METTL8: variants seen among roughly 807,000 people sequenced by gnomAD.
METTL8 encodes tRNA N(3)-cytidine methyltransferase METTL8, mitochondrial.
Under a neutral mutation model 48.7 loss-of-function variants are expected in METTL8, and 32 were observed. The observed-to-expected ratio is 0.66, with a 90% CI of 0.50 to 0.88. The LOEUF is 0.88. Ranked by LOEUF, METTL8 falls within the 40% of genes least tolerant of loss-of-function variation. The pLI, the probability that METTL8 is intolerant of heterozygous loss-of-function variation, is 0.00. For synonymous variants in METTL8, 136 were observed against 157.1 expected (o/e 0.87, Z 1.01); for missense variants, 464 against 474.4 (o/e 0.98, Z 0.20).
chr2:171,427,495 C>T (rs1174804407), intron 1 of METTL8, among the ~76,000 whole-genome samples: 3 of 152,222 alleles, frequency 2.0e-5, no homozygotes, highest in African/African-American at 7.2e-5. Flanking sequence ...GTTTACCTCT[C>T]TCCTGCACAC....
chr2:171,375,348 G>A (rs1483802169), intron 2 of METTL8: 1 of 664,036 alleles, frequency 1.5e-6, no homozygotes, highest in African/African-American at 1.8e-5. Flanking sequence ...TTAGCATAGT[G>A]GTGAGTAAAA....
Position 171,325,859 on chromosome 2 carries a change from C to T in METTL8, c.1015G>A (p.Ala339Thr), listed in dbSNP as rs753087231. The change falls in exon 9 of 10, where the codon GCA becomes ACA. Residue 339 changes from alanine (A) to threonine (T), a missense_variant. Coordinates refer to ENST00000375258, the MANE Select transcript of METTL8 (RefSeq NM_001321154.2). ...AGCATACCTTTTGTAAAGAAATATG[C>T]TCTGGTACCATCTCCTCGAACATAA... ...NFYVRGDGTRAYFFTKGEVHS... is the reference protein window; with the variant it reads ...NFYVRGDGTRTYFFTKGEVHS... 21 of 1,592,858 alleles carry T rather than the reference C, an allele frequency of 1.3e-5. No homozygotes were observed. The South Asian group carries it at 2.2e-4, about 16-fold the overall frequency.
At chr2:171,399,242 C>T (rs569973256) in intron 1 of METTL8, among the ~76,000 whole-genome samples, 22 of 152,096 alleles carry the variant, frequency 1.4e-4, no homozygotes, top group Admixed American at 3.3e-4. Flanking sequence ...AAGGAACAGA[C>T]GAGAAAGGAA....
chr2:171,355,072 G>A (rs1052805314), intron 3 of METTL8, among the ~76,000 whole-genome samples: 1 of 152,178 alleles, frequency 6.6e-6, no homozygotes, highest in Non-Finnish European at 1.5e-5. Context: ...CAGCTTTTCT[G>A]CTCTGGTTTC....
Position 171,330,680 on chromosome 2 carries a change from C to T in METTL8, c.739G>A (p.Ala247Thr), listed in dbSNP as rs1314850620. The change falls in exon 7 of 10, where the codon GCA becomes ACA. Residue 247 changes from alanine to threonine, a missense_variant. Physicochemically the swap from Ala to Thr is moderately conservative, Grantham distance 58. Coordinates refer to ENST00000375258, the MANE Select transcript of METTL8 (RefSeq NM_001321154.2). Reference protein sequence around the residue: ...ELVKSHSSYRATQCFAFVHDV... With the variant: ...ELVKSHSSYRTTQCFAFVHDV... ...TGAACAAAGGCAAAACACTGGGTTG[C>T]TCTGTAGGACGAGTGTGACTGTCAT... The T allele has an allele frequency of 4.3e-6, 7 of 1,612,480 alleles. No individual in the cohort carries two copies. Among genetic ancestry groups the T allele is most frequent in the African/African-American group, 1.3e-5 (1 of 74,768 alleles).
intron 1 of METTL8, among the ~76,000 whole-genome samples, chr2:171,395,866 T>G (rs1250351270): frequency 2.0e-5 from 3 of 152,214 alleles, no homozygotes; most frequent in African/African-American, 7.2e-5. Context: ...ATGACATTTA[T>G]AGAAAGAACA....
chr2:171,391,868 A>G (rs1269001559), intron 2 of METTL8, among the ~76,000 whole-genome samples, 175 bp downstream of exon 2: 12 of 152,220 alleles, frequency 7.9e-5, no homozygotes, highest in Non-Finnish European at 1.3e-4. Context: ...TCCATTTGCA[A>G]TGAAATTCAG....
intron 3 of METTL8, among the ~76,000 whole-genome samples, chr2:171,342,113 C>T (rs1006183731): frequency 2.6e-5 from 4 of 152,232 alleles, no homozygotes; most frequent in African/African-American, 9.6e-5. Context: ...TGCCTGTAAT[C>T]AGGTTCATCT....
At chr2:171,390,239 A>G (rs924372588) in intron 2 of METTL8, among the ~76,000 whole-genome samples, 2 of 152,232 alleles carry the variant, frequency 1.3e-5, no homozygotes, top group African/African-American at 4.8e-5. Context: ...AATTCCTTGC[A>G]AAATACTACT....
At chr2:171,336,863 C>CTTT (rs71013037) in intron 5 of METTL8, among the ~76,000 whole-genome samples, 3,930 of 87,902 alleles carry the variant, frequency 0.045, 185 homozygotes, top group African/African-American at 0.055. Context: ...ATCACTTCCT[C>CTTT]TTTTTTTTTT....
intron 2 of METTL8, among the ~76,000 whole-genome samples, chr2:171,387,084 C>T (rs150833229): frequency 6.6e-5 from 10 of 150,936 alleles, no homozygotes; most frequent in African/African-American, 2.2e-4. Flanking sequence ...ATAAGTGATC[C>T]GATTCTTCCC....
At chr2:171,420,615 A>G (rs1451947788) in intron 1 of METTL8, among the ~76,000 whole-genome samples, 1 of 152,216 alleles carries the variant, frequency 6.6e-6, no homozygotes, top group African/African-American at 2.4e-5. Flanking sequence ...TCAGAGACCA[A>G]AAGCTCGCAA....
intron 3 of METTL8, among the ~76,000 whole-genome samples, chr2:171,351,757 C>G (rs1683954294): frequency 6.6e-6 from 1 of 152,076 alleles, no homozygotes; most frequent in South Asian, 2.1e-4. Context: ...TGATTTGGCT[C>G]TCTGTTTGTC....
chr2:171,398,535 TA>T (rs745753458), intron 1 of METTL8, among the ~76,000 whole-genome samples: 3 of 151,644 alleles, frequency 2.0e-5, no homozygotes, highest in Admixed American at 6.6e-5. Context: ...TTTTAATGGA[TA>T]GGGGAGGGGC....
chr2:171,338,298 T>G (rs1445430477), intron 4 of METTL8, among the ~76,000 whole-genome samples: 1 of 152,120 alleles, frequency 6.6e-6, no homozygotes, highest in Non-Finnish European at 1.5e-5. Context: ...GATGCCATGT[T>G]AAATAGAAAC....
chr2:171,323,638 G>A lies in METTL8; in HGVS notation c.*534C>T, dbSNP rs1201583738. 1 of 152,182 alleles carries A rather than the reference G, an allele frequency of 6.6e-6. No individual in the cohort carries two copies. Among genetic ancestry groups the A allele is most frequent in the African/African-American group, 2.4e-5 (1 of 41,512 alleles). The allele number at this position is 152,182 out of a possible 1,614,324, so 9.4% of individuals were successfully genotyped here. A position where few individuals can be genotyped will look rare whatever the true frequency, so the allele number is the denominator to read the frequency against. On this transcript the variant is annotated 3_prime_UTR_variant, in exon 10 of 10. Coordinates refer to ENST00000375258, the MANE Select transcript of METTL8 (RefSeq NM_001321154.2). ...GGAACTAAAATTCTATTTCAGATATGAGCCTCTGAATTTCAAAAAAAAATT... is the reference window on the plus strand; with the variant it reads ...GGAACTAAAATTCTATTTCAGATATAAGCCTCTGAATTTCAAAAAAAAATT...
At chr2:171,356,960 T>TTTTTTTTTTTGTTTG (rs1559101921) in intron 3 of METTL8, among the ~76,000 whole-genome samples, 1 of 123,626 alleles carries the variant, frequency 8.1e-6, no homozygotes, top group Non-Finnish European at 1.7e-5. Context: ...ATATTTTTTT[T>TTTTTTTTTTTGTTTG]TTTTTTTTTG....
intron 3 of METTL8, among the ~76,000 whole-genome samples, chr2:171,351,865 T>C (rs542056020): frequency 6.6e-6 from 1 of 152,240 alleles, no homozygotes; most frequent in Non-Finnish European, 1.5e-5. Flanking sequence ...GATTTTGGGC[T>C]GAGACAATGG....
intron 3 of METTL8, among the ~76,000 whole-genome samples, chr2:171,344,440 C>A (rs1029697100): frequency 6.6e-6 from 1 of 152,182 alleles, no homozygotes; most frequent in Non-Finnish European, 1.5e-5. Context: ...TTTTCTGATT[C>A]ATACTTTCTT....
Sources: gnomAD v4.1 joint callset for allele counts (sites outside exome capture counted in the v4.1 genomes callset) on GRCh38, gnomAD v4.1.1 for gene constraint, MANE v1.5 for transcripts, NCBI Gene and HGNC (gene_info 2026-07-23, HGNC 2026-07-21) for gene names.